The following CNGA3 variants were observed in gnomAD, a reference collection of about 807,000 sequenced individuals.
CNGA3 encodes cyclic nucleotide gated channel subunit alpha 3.
Under a neutral mutation model 46.6 loss-of-function variants are expected in CNGA3, and 42 were observed. The observed-to-expected ratio is 0.90, with a 90% CI of 0.70 to 1.17. The LOEUF (loss-of-function observed/expected upper bound fraction) is 1.17, where lower values mean the gene tolerates loss of function less well. CNGA3 is among the 50% of genes most tolerant of loss of function. The pLI is 0.00. For synonymous variants in CNGA3, 394 were observed against 369.4 expected, an observed-to-expected ratio of 1.07 and a Z score of -0.76; for missense variants, 893 against 890.7, an observed-to-expected ratio of 1.00 and a Z score of -0.03.
intron 1 of CNGA3, among the ~76,000 whole-genome samples, chr2:98,355,155 A>T (rs887458906): frequency 4.0e-5 from 6 of 150,390 alleles, no homozygotes; most frequent in Non-Finnish European, 7.5e-5. Flanking sequence ...TGGGATAAAC[A>T]TCACTTGGTT....
At chr2:98,368,482 A>T (rs1053969505) in intron 1 of CNGA3, among the ~76,000 whole-genome samples, 5 of 152,318 alleles carry the variant, frequency 3.3e-5, no homozygotes, top group Middle Eastern at 3.4e-3. Flanking sequence ...CTGGCCAATC[A>T]CACCAGCCCT....
chr2:98,396,156 G>GT lies in CNGA3; in HGVS notation c.990dup (p.Gly331TrpfsTer38). The GT allele has an allele frequency of 6.2e-7, 1 of 1,614,114 alleles. No individual in the cohort carries two copies. The highest frequency in any genetic ancestry group is 8.5e-7 in the Non-Finnish European group (1 of 1,180,024). ...TACTTTGCCATTTCCAAGTTCATTGGTTTTGGGACAGACTCCTGGGTCTAC... is the reference window on the plus strand; with the variant it reads ...TACTTTGCCATTTCCAAGTTCATTGGTTTTTGGGACAGACTCCTGGGTCTAC... On this transcript the variant is annotated frameshift_variant, in exon 8 of 8. Coordinates refer to ENST00000272602, the MANE Select transcript of CNGA3 (RefSeq NM_001298.3). LOFTEE classifies it high-confidence loss of function.
intron 1 of CNGA3, among the ~76,000 whole-genome samples, chr2:98,363,278 T>C (rs973308863): frequency 5.3e-5 from 8 of 152,356 alleles, no homozygotes; most frequent in Admixed American, 5.2e-4. Flanking sequence ...TTTTTTTCCA[T>C]CCATGAGCAT....
chr2:98,390,328 T>A (rs949307337), intron 6 of CNGA3, among the ~76,000 whole-genome samples: 12 of 151,680 alleles, frequency 7.9e-5, no homozygotes, highest in Non-Finnish European at 4.4e-5. Context: ...ATTTTTTTTT[T>A]AGTAGAGACA....
At chr2:98,363,044 G>T (rs780145183) in intron 1 of CNGA3, among the ~76,000 whole-genome samples, 3 of 152,096 alleles carry the variant, frequency 2.0e-5, no homozygotes, top group Non-Finnish European at 2.9e-5. Flanking sequence ...ATGCTGTTTT[G>T]GTTACTATAG....
chr2:98,395,948 G>A lies in CNGA3; in HGVS notation c.778G>A (p.Asp260Asn), dbSNP rs374258471. 1.4e-5 allele frequency: 23 copies of A among 1,613,988 alleles called. No individual in the cohort carries two copies. The highest frequency in any genetic ancestry group is 3.3e-5 in the Admixed American group (2 of 59,996). Residue 260 changes from aspartate (D) to asparagine (N), a missense_variant, in exon 8 of 8, where the codon GAC becomes AAC. Asp to Asn is a conservative substitution (Grantham distance 23, BLOSUM62 1). Transcript: ENST00000272602. Reference protein sequence around the residue: ...KLDVLSLVPTDLAYLKVGTNY... With the variant: ...KLDVLSLVPTNLAYLKVGTNY... ...GGATGTGTTGTCCCTGGTCCCCACC[G>A]ACCTGGCTTACTTAAAGGTGGGCAC...
intron 7 of CNGA3, among the ~76,000 whole-genome samples, 168 bp downstream of exon 7, chr2:98,392,138 G>A (rs1253475894): frequency 2.6e-5 from 4 of 152,186 alleles, no homozygotes; most frequent in East Asian, 1.9e-4. Context: ...CCTTCTACAC[G>A]GAACCCTTGG....
At chr2:98,384,171 A>T (rs1172081963) in intron 5 of CNGA3, among the ~76,000 whole-genome samples, 1 of 152,200 alleles carries the variant, frequency 6.6e-6, no homozygotes, top group Admixed American at 6.5e-5. Flanking sequence ...TACAGGCATG[A>T]GCCACTGCGC....
intron 2 of CNGA3, among the ~76,000 whole-genome samples, chr2:98,373,452 T>C (rs930121066): frequency 3.3e-5 from 5 of 152,188 alleles, no homozygotes; most frequent in South Asian, 4.1e-4. Context: ...CGTGTGGGTA[T>C]GGCCCCTCGC....
intron 5 of CNGA3, 35 bp from the exon 6 acceptor site, chr2:98,389,623 C>G: frequency 1.6e-5 from 25 of 1,571,232 alleles, no homozygotes; most frequent in Non-Finnish European, 2.1e-5. Context: ...AGTCTTGGAG[C>G]ACAGTGCGCT....
At chr2:98,367,144 G>A (rs373793560) in intron 1 of CNGA3, among the ~76,000 whole-genome samples, 1 of 145,278 alleles carries the variant, frequency 6.9e-6, no homozygotes, top group African/African-American at 2.6e-5. Context: ...CATTCTCCTT[G>A]GTGAGAACCT....
At chr2:98,353,563 A>G (rs1691813995) in intron 1 of CNGA3, among the ~76,000 whole-genome samples, 1 of 152,234 alleles carries the variant, frequency 6.6e-6, no homozygotes, top group Admixed American at 6.5e-5. Flanking sequence ...AAAATTTAAC[A>G]GAAGCTGAAG....
At position 98,389,670 on chromosome 2, in the gene CNGA3, A is replaced by G; in HGVS notation, c.462A>G (p.Lys154=). 6.2e-7 allele frequency: 1 copy of G among 1,614,012 alleles called. No homozygotes were observed. The highest frequency in any genetic ancestry group is 8.5e-7 in the Non-Finnish European group (1 of 1,180,022). Residue 154 remains lysine, a synonymous_variant, in exon 6 of 8, where the codon AAA becomes AAG. Transcript: ENST00000272602. ...SNNTEEEKKT[K]KKDAIVVDPS... is the part of the protein sequence containing the mutation. ...TGTGGGTTTCCAGGAAGAAGACGAAAAAGAAGGATGCGATCGTGGTGGACC... is the reference window on the plus strand; with the variant it reads ...TGTGGGTTTCCAGGAAGAAGACGAAGAAGAAGGATGCGATCGTGGTGGACC...
In CNGA3 at chr2:98,389,740, C is replaced by T. The variant is rs370799365; in HGVS notation, c.532C>T (p.Pro178Ser). ...YYRWLTAIAL[P>S]VFYNWYLLIC... is the part of the protein sequence containing the mutation. ...CCGCTGGCTGACCGCCATCGCCCTG[C>T]CTGTCTTCTATAACTGGTATCTGCT... Residue 178 changes from proline to serine, a missense_variant, in exon 6 of 8, where the codon CCT becomes TCT. This residue lies in a region of CNGA3 where 333 missense variants were observed against 290.8 expected (regional missense o/e 1.15). Transcript: ENST00000272602. 7.4e-6 allele frequency: 12 copies of T among 1,613,382 alleles called. No individual in the cohort carries two copies. The highest frequency in any genetic ancestry group is 1.0e-5 in the Non-Finnish European group (12 of 1,180,018).
At chr2:98,381,363 GA>G (rs1692533991) in intron 4 of CNGA3, among the ~76,000 whole-genome samples, 1 of 152,162 alleles carries the variant, frequency 6.6e-6, no homozygotes, top group Non-Finnish European at 1.5e-5. Context: ...ATTTGCTAGA[GA>G]AAAAGCTATC....
chr2:98,359,026 T>C (rs577060149), intron 1 of CNGA3, among the ~76,000 whole-genome samples: 5 of 152,258 alleles, frequency 3.3e-5, no homozygotes, highest in Admixed American at 1.3e-4. Context: ...GGCAGTTTAT[T>C]TGGGGAGTGA....
chr2:98,349,448 T>C (rs1379690733), intron 1 of CNGA3, among the ~76,000 whole-genome samples: 2 of 152,136 alleles, frequency 1.3e-5, no homozygotes, highest in Admixed American at 6.5e-5. Context: ...AGTGACATAA[T>C]TAGAACTACC....
chr2:98,380,431 G>A (rs975730331), intron 4 of CNGA3, 77 bp downstream of exon 4: 2 of 1,526,880 alleles, frequency 1.3e-6, no homozygotes, highest in Non-Finnish European at 1.8e-6. Flanking sequence ...GCTCCATCCT[G>A]TTTGGATGCA....
At chr2:98,351,883 A>C (rs367548470) in intron 1 of CNGA3, among the ~76,000 whole-genome samples, 2 of 152,332 alleles carry the variant, frequency 1.3e-5, no homozygotes, top group South Asian at 2.1e-4. Flanking sequence ...CACAAATGTC[A>C]CCCATTTAAA....
Sources: allele counts gnomAD v4.1 joint callset (sites outside exome capture counted in the v4.1 genomes callset), GRCh38; gene constraint gnomAD v4.1.1; regional missense constraint gnomAD v4.1.1; transcripts MANE v1.5; gene names NCBI Gene and HGNC (gene_info 2026-07-23, HGNC 2026-07-21).